The following INTS7 variants were observed in gnomAD, a reference collection of about 807,000 sequenced individuals.
The protein encoded by INTS7 is chromosome 1 open reading frame 73.
In INTS7, 46 loss-of-function variants were observed where a neutral mutation model predicts 109.2. That is an observed-to-expected ratio of 0.42 (90% CI 0.33 to 0.54). The LOEUF (loss-of-function observed/expected upper bound fraction) is 0.54, where lower values mean the gene tolerates loss of function less well. Ranked by LOEUF, INTS7 falls within the 20% of genes least tolerant of loss-of-function variation. The probability of loss-of-function intolerance (pLI) is 0.07; values close to 1 mark genes in which losing one functional copy is unlikely to be tolerated. For missense variants in INTS7, 929 were observed against 1,132.4 expected (o/e 0.82, Z 2.58); for synonymous variants, 412 against 402.9 (o/e 1.02, Z -0.27).
At chr1:212,031,967 T>G (rs1667186477) in intron 1 of INTS7, among the ~76,000 whole-genome samples, 1 of 152,220 alleles carries the variant, frequency 6.6e-6, no homozygotes, top group Admixed American at 6.5e-5. Context: ...AAAATAGCGT[T>G]CAAAGGTTAC....
intron 1 of INTS7, among the ~76,000 whole-genome samples, chr1:212,024,617 T>C (rs1666843219): frequency 6.6e-6 from 1 of 152,230 alleles, no homozygotes; most frequent in Non-Finnish European, 1.5e-5. Context: ...AACACATATG[T>C]TAATCAACTA....
chr1:211,969,551 C>CTTTTT (rs36104773), intron 13 of INTS7, among the ~76,000 whole-genome samples: 700 of 84,832 alleles, frequency 8.3e-3, no homozygotes, highest in East Asian at 0.012. Flanking sequence ...TTTTTCTTTT[C>CTTTTT]TTTTTTTTTT....
intron 1 of INTS7, among the ~76,000 whole-genome samples, chr1:212,021,682 A>C (rs1666715301): frequency 7.3e-6 from 1 of 136,094 alleles, no homozygotes; most frequent in African/African-American, 3.0e-5. Flanking sequence ...TCATCTCTTA[A>C]AAAAAAAAAA....
chr1:211,986,099 C>T (rs1465800836), intron 8 of INTS7, among the ~76,000 whole-genome samples: 1 of 152,124 alleles, frequency 6.6e-6, no homozygotes, highest in Non-Finnish European at 1.5e-5. Flanking sequence ...TTGACAAATG[C>T]TTTTGTGTTG....
At chr1:211,999,234 T>G (rs1665549754) in intron 7 of INTS7, among the ~76,000 whole-genome samples, 1 of 152,214 alleles carries the variant, frequency 6.6e-6, no homozygotes, top group Non-Finnish European at 1.5e-5. Context: ...CATCAACTTA[T>G]GAACAGACAA....
chr1:211,982,962 C>A, intron 8 of INTS7, 152 bp from the exon 9 acceptor site: 1 of 554,648 alleles, frequency 1.8e-6, no homozygotes, highest in Non-Finnish European at 3.2e-6. Context: ...CAATACATAT[C>A]AGCATTTCTC....
At chr1:211,975,056 T>C (rs1664358803) in intron 13 of INTS7, 110 bp downstream of exon 13, 1 of 719,006 alleles carries the variant, frequency 1.4e-6, no homozygotes, top group Non-Finnish European at 2.4e-6. Flanking sequence ...CCATGACCTA[T>C]TTCATATCAG....
rs1369884243 is a variant in INTS7, at chr1:212,021,946, T to TG, written c.95-735dup. On this transcript the variant is annotated intron_variant, in intron 1 of 19. Coordinates refer to ENST00000366994, the MANE Select transcript of INTS7 (RefSeq NM_015434.4). ...TGAATGAAAATAAAAGCACAATCTA[T>TG]GGGATGCAACTAGAGTAGTGCTTCA... is the stretch of plus-strand genomic sequence containing the variant. Among the ~76,000 whole-genome samples, 13 of 152,300 alleles carry TG rather than the reference T, an allele frequency of 8.5e-5. 2 individuals are homozygous for TG. The highest frequency in any genetic ancestry group is 8.5e-4 in the Admixed American group (13 of 15,300).
chr1:212,011,283 G>A, intron 5 of INTS7, 92 bp downstream of exon 5: 1 of 670,554 alleles, frequency 1.5e-6, no homozygotes, highest in Non-Finnish European at 2.6e-6. Context: ...TTGAATGTAT[G>A]GTGACTAGCA....
intron 4 of INTS7, among the ~76,000 whole-genome samples, chr1:212,016,385 C>T (rs1471360009): frequency 6.6e-6 from 1 of 152,200 alleles, no homozygotes; most frequent in Non-Finnish European, 1.5e-5. Context: ...CCATGGTCAA[C>T]ATTTAATCCT....
At chr1:212,026,384 T>C (rs1375224584) in intron 1 of INTS7, among the ~76,000 whole-genome samples, 1 of 152,212 alleles carries the variant, frequency 6.6e-6, no homozygotes, top group Non-Finnish European at 1.5e-5. Context: ...TTATAATAAA[T>C]GTTTCTATGG....
At chr1:211,952,474 A>G in intron 17 of INTS7, 95 bp downstream of exon 17, 2 of 1,263,520 alleles carry the variant, frequency 1.6e-6, no homozygotes, top group Non-Finnish European at 2.2e-6. Context: ...CAGGCACAGA[A>G]AGGTTAATTT....
intron 1 of INTS7, among the ~76,000 whole-genome samples, chr1:212,034,410 T>G (rs1667324929): frequency 6.6e-6 from 1 of 152,194 alleles, no homozygotes; most frequent in African/African-American, 2.4e-5. Context: ...AACTGGGAAG[T>G]GGCTCAAACC....
chr1:211,985,014 T>C (rs748038886), intron 8 of INTS7, among the ~76,000 whole-genome samples: 31 of 152,214 alleles, frequency 2.0e-4, no homozygotes, highest in Admixed American at 5.2e-4. Context: ...AATAATCTTG[T>C]ATATATGCCA....
chr1:211,953,057 G>C (rs1262411855), intron 16 of INTS7, among the ~76,000 whole-genome samples: 2 of 152,180 alleles, frequency 1.3e-5, no homozygotes, highest in East Asian at 3.8e-4. Context: ...CATCCATAAA[G>C]ATATGTAATA....
intron 16 of INTS7, among the ~76,000 whole-genome samples, chr1:211,962,424 C>T (rs1406887549): frequency 6.6e-6 from 1 of 152,134 alleles, no homozygotes; most frequent in Non-Finnish European, 1.5e-5. Context: ...GACTCCCACA[C>T]AATAATGGTG....
chr1:211,943,919 G>T (rs192465205), intron 19 of INTS7, among the ~76,000 whole-genome samples: 3 of 152,124 alleles, frequency 2.0e-5, no homozygotes, highest in Non-Finnish European at 4.4e-5. Flanking sequence ...CCAGGGAATC[G>T]GAAATAAATG....
At chr1:211,983,144 G>C (rs1664736979) in intron 8 of INTS7, among the ~76,000 whole-genome samples, 1 of 152,012 alleles carries the variant, frequency 6.6e-6, no homozygotes, top group African/African-American at 2.4e-5. Context: ...TATCATTATA[G>C]GCCTCTTGTC....
chr1:211,995,886 G>A (rs1011289548), intron 7 of INTS7, among the ~76,000 whole-genome samples: 13 of 152,158 alleles, frequency 8.5e-5, no homozygotes, highest in African/African-American at 3.1e-4. Context: ...TGAATCTGCT[G>A]GAGTCATGAT....
Sources: gnomAD v4.1 joint callset for allele counts (sites outside exome capture counted in the v4.1 genomes callset) on GRCh38, gnomAD v4.1.1 for gene constraint, MANE v1.5 for transcripts, NCBI Gene and HGNC (gene_info 2026-07-23, HGNC 2026-07-21) for gene names.